The following B3GLCT variants were observed in gnomAD, a reference collection of about 807,000 sequenced individuals.
B3GLCT encodes the protein beta 3-glucosyltransferase, also known as beta-1,3-glucosyltransferase.
In B3GLCT, 65 loss-of-function variants were observed where a neutral mutation model predicts 63.4. The observed-to-expected ratio is 1.03, with a 90% CI of 0.84 to 1.26. The LOEUF (loss-of-function observed/expected upper bound fraction) is 1.26. Among genes scored for constraint, B3GLCT ranks in the 50% most tolerant of loss-of-function variants. B3GLCT has a pLI of 0.00. For missense variants in B3GLCT, 577 were observed against 604.8 expected, an observed-to-expected ratio of 0.95 and a Z score of 0.48; for synonymous variants, 233 against 219.2, an observed-to-expected ratio of 1.06 and a Z score of -0.55.
intron 9 of B3GLCT, among the ~76,000 whole-genome samples, chr13:31,276,093 T>C (rs1269342442): frequency 6.6e-6 from 1 of 152,214 alleles, no homozygotes; most frequent in Middle Eastern, 3.2e-3. Context: ...CCCTTTCATC[T>C]GTGTGATCAG....
chr13:31,229,114 C>T, intron 3 of B3GLCT, 71 bp from the exon 4 acceptor site: 2 of 993,562 alleles, frequency 2.0e-6, no homozygotes, highest in South Asian at 2.9e-5. Flanking sequence ...GCTATTTTTT[C>T]ACTTGTTTTC....
intron 6 of B3GLCT, among the ~76,000 whole-genome samples, chr13:31,250,355 G>A (rs1214162893): frequency 6.6e-6 from 1 of 152,120 alleles, no homozygotes; most frequent in Non-Finnish European, 1.5e-5. Flanking sequence ...TGAATTTTTA[G>A]TAAAGATGGG....
chr13:31,218,093 C>T (rs1869641698), intron 2 of B3GLCT, among the ~76,000 whole-genome samples: 1 of 150,950 alleles, frequency 6.6e-6, no homozygotes, highest in South Asian at 2.1e-4. Context: ...TTTGTTGTCT[C>T]TGATTTTTTT....
chr13:31,230,034 C>G (rs570765505), intron 4 of B3GLCT, among the ~76,000 whole-genome samples: 1 of 152,174 alleles, frequency 6.6e-6, no homozygotes, highest in South Asian at 2.1e-4. Context: ...TTTCATTAAT[C>G]TTAGCGCAGT....
At chr13:31,212,557 G>A (rs541487186) in intron 1 of B3GLCT, among the ~76,000 whole-genome samples, 1 of 152,212 alleles carries the variant, frequency 6.6e-6, no homozygotes, top group African/African-American at 2.4e-5. Flanking sequence ...ACAGGCGTGG[G>A]CCACTGGGTC....
chr13:31,323,924 A>ATGGCAGG, intron 14 of B3GLCT, 29 bp downstream of exon 14: 1 of 1,613,112 alleles, frequency 6.2e-7, no homozygotes, highest in South Asian at 1.1e-5. Context: ...TTCTTCCCTC[A>ATGGCAGG]TGGCAGGTGA....
At chr13:31,300,021 G>A (rs901313046) in intron 12 of B3GLCT, among the ~76,000 whole-genome samples, 64 of 152,126 alleles carry the variant, frequency 4.2e-4, no homozygotes, top group Non-Finnish European at 1.3e-4. Flanking sequence ...AGCCCACTGA[G>A]ATTATTTGTT....
At chr13:31,268,653 C>A (rs1226992342) in intron 7 of B3GLCT, among the ~76,000 whole-genome samples, 1 of 152,018 alleles carries the variant, frequency 6.6e-6, no homozygotes, top group Non-Finnish European at 1.5e-5. Context: ...CAAGTGGGTG[C>A]TGTGATGCTA....
Position 31,247,962 on chromosome 13 carries a change from C to T in B3GLCT, c.455C>T (p.Ser152Phe), listed in dbSNP as rs775418673. 22 of 1,546,396 alleles carry T rather than the reference C, an allele frequency of 1.4e-5. No homozygotes were observed. The highest frequency in any genetic ancestry group is 1.8e-5 in the Non-Finnish European group (20 of 1,118,842). The change falls in exon 6 of 15, where the codon TCT becomes TTT. Residue 152 changes from serine (S) to phenylalanine (F), a missense_variant. Coordinates refer to ENST00000343307, the MANE Select transcript of B3GLCT (RefSeq NM_194318.4). ...GAAACCCTCAGAAGATATGACCCCTCTAAGGTGAATATAACTTCAATACCA... is the reference window on the plus strand; with the variant it reads ...GAAACCCTCAGAAGATATGACCCCTTTAAGGTGAATATAACTTCAATACCA... ...LLETLRRYDP[S>F]KEWFLGKALH...
intron 1 of B3GLCT, among the ~76,000 whole-genome samples, chr13:31,211,794 A>C (rs1593246750): frequency 6.6e-6 from 1 of 152,312 alleles, no homozygotes; most frequent in South Asian, 2.1e-4. Flanking sequence ...TACATCATCA[A>C]ATATTAGCTA....
rs556735977 is a variant in B3GLCT at position 31,261,217 on chromosome 13, G to GA, written c.596+139dup. 6.6e-4 allele frequency: 666 copies of GA among 1,009,818 alleles called. 1 individual carries two copies. The highest frequency in any genetic ancestry group is 8.1e-4 in the Non-Finnish European group (563 of 692,060). 62.6% of individuals were successfully genotyped at this position (1,009,818 alleles called of 1,614,324 possible). The stretch of plus-strand genomic sequence containing the variant: ...CAGAGGCAGTGTGTGGTAAGATCTG[G>GA]AAAAGGAGCCAGATGCTTGAGGGTT... On this transcript the variant is annotated intron_variant, in intron 7 of 14. Coordinates refer to ENST00000343307, the MANE Select transcript of B3GLCT (RefSeq NM_194318.4).
chr13:31,294,891 G>C (rs960154538), intron 12 of B3GLCT, among the ~76,000 whole-genome samples: 2 of 151,636 alleles, frequency 1.3e-5, no homozygotes, highest in African/African-American at 4.8e-5. Flanking sequence ...GAGGCATTCT[G>C]GTTTTTTTTT....
chr13:31,211,708 C>T (rs954308607), intron 1 of B3GLCT, among the ~76,000 whole-genome samples: 12 of 151,682 alleles, frequency 7.9e-5, no homozygotes, highest in Non-Finnish European at 1.5e-4. Context: ...GTGTTGATTA[C>T]GACAAGCAGA....
In B3GLCT at chr13:31,229,204, C is replaced by A; in HGVS notation, c.180C>A (p.Phe60Leu). 1 of 1,607,322 alleles carries A rather than the reference C, an allele frequency of 6.2e-7. No homozygotes were observed. The highest frequency in any genetic ancestry group is 8.5e-7 in the Non-Finnish European group (1 of 1,174,220). Reference sequence around the variant, plus strand: ...TTCTAGACTTAAAAGGAATTGTATTCGTCATCCAGAGTCAAAGTAATTCTT... The same window carrying A: ...TTCTAGACTTAAAAGGAATTGTATTAGTCATCCAGAGTCAAAGTAATTCTT... ...KNDIDLKGIV[F>L]VIQSQSNSFH... Residue 60 changes from phenylalanine (F) to leucine (L), a missense_variant, in exon 4 of 15, where the codon TTC becomes TTA. Coordinates refer to ENST00000343307, the MANE Select transcript of B3GLCT (RefSeq NM_194318.4).
chr13:31,329,750 ACTT>A lies in B3GLCT; in HGVS notation c.*83_*85del. 6.7e-7 allele frequency: 1 copy of A among 1,489,030 alleles called. No individual in the cohort carries two copies. Among genetic ancestry groups the A allele is most frequent in the Non-Finnish European group, 9.3e-7 (1 of 1,074,816 alleles). The allele number at this position is 1,489,030 out of a possible 1,614,324, so 92.2% of individuals were successfully genotyped here. A position where few individuals can be genotyped will look rare whatever the true frequency, so the allele number is the denominator to read the frequency against. ...CATCCCACTGTGCTGTGCTCACAACACTTGTGTCTGCCACATGGCATTGGGTGC... is the reference window on the plus strand; with the variant it reads ...CATCCCACTGTGCTGTGCTCACAACAGTGTCTGCCACATGGCATTGGGTGC... On this transcript the variant is annotated 3_prime_UTR_variant, in exon 15 of 15. Transcript: ENST00000343307.
intron 6 of B3GLCT, among the ~76,000 whole-genome samples, chr13:31,249,032 G>T (rs956524349): frequency 2.6e-5 from 4 of 152,070 alleles, no homozygotes; most frequent in Non-Finnish European, 5.9e-5. Context: ...GCCCTTTCTG[G>T]TCCCAGTGGA....
chr13:31,274,481 T>C (rs745554399), intron 8 of B3GLCT, 28 bp from the exon 9 acceptor site: 2 of 1,614,180 alleles, frequency 1.2e-6, no homozygotes, highest in Non-Finnish European at 1.7e-6. Flanking sequence ...AGTTCTTTCA[T>C]CACTGCCTGT....
In B3GLCT at chr13:31,200,032, C is replaced by T; in HGVS notation, c.-53C>T. 8.4e-7 allele frequency: 1 copy of T among 1,197,330 alleles called. No individual in the cohort carries two copies. Among genetic ancestry groups the T allele is most frequent in the Non-Finnish European group, 1.1e-6 (1 of 936,074 alleles). 74.2% of individuals were successfully genotyped at this position (1,197,330 alleles called of 1,614,324 possible). On this transcript the variant is annotated 5_prime_UTR_variant, in exon 1 of 15. Transcript: ENST00000343307. ...GCGGCAGCGGCGCAGCTCCGCTCCC[C>T]GCGCGTCTCCCTTCCCCGCGCCCAG...
chr13:31,315,011 G>T (rs1325439116), intron 12 of B3GLCT, among the ~76,000 whole-genome samples: 1 of 152,144 alleles, frequency 6.6e-6, no homozygotes, highest in Non-Finnish European at 1.5e-5. Context: ...TGTAAGAAAT[G>T]CCTTTTGCCC....
Sources: allele counts gnomAD v4.1 joint callset (sites outside exome capture counted in the v4.1 genomes callset), GRCh38; gene constraint gnomAD v4.1.1; transcripts MANE v1.5; gene names NCBI Gene and HGNC (gene_info 2026-07-23, HGNC 2026-07-21).